The following UBASH3B variants were observed in gnomAD, a reference collection of about 807,000 sequenced individuals.
UBASH3B encodes ubiquitin-associated and SH3 domain-containing protein B.
A neutral mutation model predicts 83.4 loss-of-function variants in UBASH3B; 37 were observed. The ratio of observed to expected loss-of-function variants is 0.44; its 90% CI spans 0.34 to 0.58. UBASH3B has a LOEUF of 0.58. UBASH3B is among the 20% of genes least tolerant of loss of function. The probability of loss-of-function intolerance (pLI) is 0.01; values close to 1 mark genes in which losing one functional copy is unlikely to be tolerated. For synonymous variants in UBASH3B, 304 were observed against 318.3 expected, an observed-to-expected ratio of 0.96 and a Z score of 0.48; for missense variants, 657 against 827.2, an observed-to-expected ratio of 0.79 and a Z score of 2.52.
intron 1 of UBASH3B, among the ~76,000 whole-genome samples, chr11:122,748,387 C>A (rs2135965848): frequency 6.6e-6 from 1 of 152,278 alleles, no homozygotes; most frequent in Admixed American, 6.5e-5. Flanking sequence ...ATCAACATAC[C>A]TCCAGTCTGG....
chr11:122,705,452 C>CAGAAAAAA (rs1258156998), intron 1 of UBASH3B, among the ~76,000 whole-genome samples: 1 of 98,802 alleles, frequency 1.0e-5, no homozygotes, highest in African/African-American at 3.8e-5. Flanking sequence ...TCTCGAAAAA[C>CAGAAAAAA]ATAAAAAAAA....
chr11:122,789,057 A>G (rs779687739), intron 5 of UBASH3B, 43 bp from the exon 6 acceptor site: 2 of 1,568,434 alleles, frequency 1.3e-6, no homozygotes, highest in Non-Finnish European at 1.8e-6. Flanking sequence ...GCTCAGGAGA[A>G]TGGTGAGGCA....
At chr11:122,714,983 T>C (rs982708068) in intron 1 of UBASH3B, among the ~76,000 whole-genome samples, 3 of 152,252 alleles carry the variant, frequency 2.0e-5, no homozygotes, top group African/African-American at 7.2e-5. Context: ...TCTCGCTCTG[T>C]CGCCCGGGCT....
At chr11:122,743,613 T>C (rs879212673) in intron 1 of UBASH3B, among the ~76,000 whole-genome samples, 13 of 152,198 alleles carry the variant, frequency 8.5e-5, no homozygotes, top group Non-Finnish European at 1.9e-4. Context: ...GTCTTGAGGA[T>C]TGAAAGAGAT....
chr11:122,730,292 G>T (rs1860820467), intron 1 of UBASH3B, among the ~76,000 whole-genome samples: 1 of 152,158 alleles, frequency 6.6e-6, no homozygotes, highest in Admixed American at 6.6e-5. Flanking sequence ...GGGTGTGGGT[G>T]ACATCACACG....
At chr11:122,755,216 C>G (rs763520993) in intron 1 of UBASH3B, among the ~76,000 whole-genome samples, 2 of 152,108 alleles carry the variant, frequency 1.3e-5, no homozygotes, top group African/African-American at 2.4e-5. Context: ...CACTGTCATT[C>G]TCACATTGCA....
intron 1 of UBASH3B, among the ~76,000 whole-genome samples, chr11:122,681,936 G>A (rs1481302536): frequency 6.6e-6 from 1 of 152,136 alleles, no homozygotes. Flanking sequence ...GGGAAGCCTT[G>A]TGTGCTGAGT....
At chr11:122,761,269 T>C (rs1441792817) in intron 1 of UBASH3B, among the ~76,000 whole-genome samples, 2 of 152,152 alleles carry the variant, frequency 1.3e-5, no homozygotes, top group African/African-American at 2.4e-5. Context: ...TTGTGTTTAC[T>C]CACATATTCT....
Position 122,796,150 on chromosome 11 carries a change from C to T in UBASH3B, c.1114-6C>T, listed in dbSNP as rs1861152716. The T allele has an allele frequency of 1.2e-6, 2 of 1,613,946 alleles. No individual in the cohort carries two copies. Among genetic ancestry groups the T allele is most frequent in the Middle Eastern group, 1.7e-4 (1 of 6,058 alleles). On this transcript the variant is annotated splice_polypyrimidine_tract_variant and splice_region_variant and intron_variant, in intron 7 of 13. Transcript: ENST00000284273. Reference sequence around the variant, plus strand: ...GTCTTCACTAATAGCCTTTCTTTCTCTGCAGCCGCTGAGGGTCAACAGCCA... The same window carrying T: ...GTCTTCACTAATAGCCTTTCTTTCTTTGCAGCCGCTGAGGGTCAACAGCCA...
intron 1 of UBASH3B, among the ~76,000 whole-genome samples, chr11:122,698,960 G>A (rs979766457): frequency 3.3e-5 from 5 of 151,804 alleles, no homozygotes; most frequent in African/African-American, 9.7e-5. Context: ...AGCGATTATC[G>A]TGCCTCAGCC....
intron 1 of UBASH3B, among the ~76,000 whole-genome samples, chr11:122,669,589 C>T (rs1360419789): frequency 6.6e-6 from 1 of 152,194 alleles, no homozygotes; most frequent in Non-Finnish European, 1.5e-5. Flanking sequence ...GCTTGGTCTG[C>T]CTTTCCCCTG....
At chr11:122,703,161 T>A (rs927738789) in intron 1 of UBASH3B, among the ~76,000 whole-genome samples, 1 of 152,040 alleles carries the variant, frequency 6.6e-6, no homozygotes, top group Non-Finnish European at 1.5e-5. Flanking sequence ...GCACGGTGGC[T>A]CATGCCTGTA....
At chr11:122,686,993 G>A (rs1332853671) in intron 1 of UBASH3B, among the ~76,000 whole-genome samples, 5 of 151,844 alleles carry the variant, frequency 3.3e-5, no homozygotes, top group African/African-American at 7.3e-5. Context: ...TCAGCCTCCT[G>A]AGTAGCTGGA....
At chr11:122,688,925 T>C (rs1347559069) in intron 1 of UBASH3B, among the ~76,000 whole-genome samples, 1 of 150,144 alleles carries the variant, frequency 6.7e-6, no homozygotes, top group Non-Finnish European at 1.5e-5. Flanking sequence ...ATTACAGGCG[T>C]GAGCCACCGC....
intron 1 of UBASH3B, among the ~76,000 whole-genome samples, chr11:122,729,812 A>C (rs1860808467): frequency 1.4e-5 from 2 of 146,678 alleles, no homozygotes; most frequent in African/African-American, 2.6e-5. Flanking sequence ...AAAAAAAAAA[A>C]AAAAAAACCC....
At chr11:122,740,192 G>A (rs1456343284) in intron 1 of UBASH3B, among the ~76,000 whole-genome samples, 1 of 152,176 alleles carries the variant, frequency 6.6e-6, no homozygotes, top group Non-Finnish European at 1.5e-5. Flanking sequence ...AAGATCTAAA[G>A]ACATAATTTA....
intron 1 of UBASH3B, among the ~76,000 whole-genome samples, chr11:122,692,833 A>G (rs1466447243): frequency 6.6e-6 from 1 of 152,344 alleles, no homozygotes; most frequent in Non-Finnish European, 1.5e-5. Context: ...TAGGGAGAGA[A>G]AGGACAAGTG....
At chr11:122,691,360 C>T (rs557666132) in intron 1 of UBASH3B, among the ~76,000 whole-genome samples, 1 of 152,284 alleles carries the variant, frequency 6.6e-6, no homozygotes, top group Admixed American at 6.5e-5. Flanking sequence ...CTTTTCTGGA[C>T]AAATCTTCTG....
intron 1 of UBASH3B, among the ~76,000 whole-genome samples, chr11:122,716,363 C>A (rs892636446): frequency 6.6e-6 from 1 of 152,174 alleles, no homozygotes; most frequent in African/African-American, 2.4e-5. Flanking sequence ...TTAGTAGAGA[C>A]GGTGTTTTGC....
Sources: gnomAD v4.1 joint callset for allele counts (sites outside exome capture counted in the v4.1 genomes callset) on GRCh38, gnomAD v4.1.1 for gene constraint, MANE v1.5 for transcripts, NCBI Gene and HGNC (gene_info 2026-07-23, HGNC 2026-07-21) for gene names.